Variants in HK1 observed in about 807,000 individuals in gnomAD.
HK1 encodes hexokinase 1.
HK1 carries 28 observed loss-of-function variants against 91.6 expected under a neutral mutation model. That is an observed-to-expected ratio of 0.31 (90% CI 0.23 to 0.42). HK1 has a LOEUF of 0.42. HK1 is among the 10% of genes least tolerant of loss of function. HK1 has a pLI of 1.00. For missense variants in HK1, 770 were observed against 1,219.8 expected (o/e 0.63, Z 5.49); for synonymous variants, 430 against 468.1 (o/e 0.92, Z 1.05).
At chr10:69,353,414 C>A (rs1848979712) in intron 2 of HK1, among the ~76,000 whole-genome samples, 1 of 152,084 alleles carries the variant, frequency 6.6e-6, no homozygotes, top group African/African-American at 2.4e-5. Context: ...CATGGTAAAA[C>A]CCTGTCACTA....
At chr10:69,294,011 A>G (rs373564113) in intron 3 of HK1, among the ~76,000 whole-genome samples, 4,793 of 151,050 alleles carry the variant, frequency 0.032, 179 homozygotes, top group African/African-American at 0.09. Context: ...ACAGGCGCCC[A>G]CCACCACGCC....
chr10:69,345,964 A>C (rs1848531822), intron 2 of HK1, among the ~76,000 whole-genome samples: 1 of 152,152 alleles, frequency 6.6e-6, no homozygotes. Flanking sequence ...GGGTGGGTTC[A>C]GTTCATGTGC....
intron 1 of HK1, among the ~76,000 whole-genome samples, chr10:69,326,088 C>T (rs994131302): frequency 6.6e-6 from 1 of 151,202 alleles, no homozygotes; most frequent in Non-Finnish European, 1.5e-5. Context: ...CCCGCCTCGG[C>T]CTCCCAAAGT....
chr10:69,371,882 A>G (rs7917338), intron 7 of HK1, among the ~76,000 whole-genome samples: 27,042 of 152,212 alleles, frequency 0.18, 2,859 homozygotes, highest in Non-Finnish European at 0.24. Context: ...ATGGGGGTAC[A>G]GATGAGAAAG....
intron 5 of HK1, among the ~76,000 whole-genome samples, chr10:69,308,592 C>T (rs1360190221): frequency 6.6e-6 from 1 of 152,082 alleles, no homozygotes; most frequent in African/African-American, 2.4e-5. Context: ...ACGGTTAGGT[C>T]AGGGGTCGAT....
intron 5 of HK1, among the ~76,000 whole-genome samples, chr10:69,304,699 C>A (rs1296935760): frequency 6.6e-6 from 1 of 152,164 alleles, no homozygotes; most frequent in Non-Finnish European, 1.5e-5. Context: ...AGGTTAAAAG[C>A]AAGATGGAGT....
intron 2 of HK1, among the ~76,000 whole-genome samples, chr10:69,286,134 G>T (rs1008330947): frequency 1.3e-5 from 2 of 152,186 alleles, no homozygotes; most frequent in African/African-American, 2.4e-5. Context: ...AATGTGTGTG[G>T]AATTTGTCAA....
At chr10:69,338,730 TGTGA>T (rs1848140462) in intron 1 of HK1, 8 of 1,257,920 alleles carry the variant, frequency 6.4e-6, no homozygotes, top group South Asian at 3.9e-5. Flanking sequence ...TGTGTGTATG[TGTGA>T]GTGTGTGAGA....
In HK1 at chr10:69,369,348, C is replaced by T; in HGVS notation, c.691+12C>T. 2 of 1,613,388 alleles carry T rather than the reference C, an allele frequency of 1.2e-6. No individual in the cohort carries two copies. The highest frequency in any genetic ancestry group is 8.5e-7 in the Non-Finnish European group (1 of 1,179,298). On this transcript the variant is annotated intron_variant, in intron 6 of 17. Transcript: ENST00000359426. This position sits in a 1 kb window ranked among gnomAD's most constrained non-coding sequence, Gnocchi z 4.4. ...CGGCCTGATCATCGGTAATGCATTC[C>T]CCTTTGCCCATCCATTTGTTCGGCC...
intron 1 of HK1, among the ~76,000 whole-genome samples, chr10:69,275,566 T>C (rs1844397050): frequency 6.6e-6 from 1 of 152,160 alleles, no homozygotes; most frequent in Non-Finnish European, 1.5e-5. Context: ...GGCCATATGA[T>C]CTGTGCTGTT....
chr10:69,400,659 CA>C (rs1405226475), intron 17 of HK1, among the ~76,000 whole-genome samples: 1 of 152,204 alleles, frequency 6.6e-6, no homozygotes, highest in Non-Finnish European at 1.5e-5. Context: ...ATAAGCCATA[CA>C]GAGCAGTTGT....
At chr10:69,308,958 C>G (rs1458977845) in intron 5 of HK1, among the ~76,000 whole-genome samples, 2 of 152,078 alleles carry the variant, frequency 1.3e-5, no homozygotes, top group African/African-American at 2.4e-5. Flanking sequence ...GGCCACAGAC[C>G]AGTTGGGGAC....
chr10:69,395,001 C>G lies in HK1; in HGVS notation c.2271C>G (p.Ile757Met). Residue 757 changes from isoleucine (I) to methionine (M), a missense_variant, in exon 16 of 18, where the codon ATC (isoleucine) becomes ATG (methionine). By Grantham distance (10) the Ile-to-Met change is conservative. Transcript: ENST00000359426. ...GMYLGEIVRNILIDFTKKGFL... is the reference protein window; with the variant it reads ...GMYLGEIVRNMLIDFTKKGFL... ...ACCTGGGTGAAATCGTCCGCAACAT[C>G]TTAATCGACTTCACCAAGAAGGGAT... 6.2e-7 allele frequency: 1 copy of G among 1,614,074 alleles called. No homozygotes were observed. The highest frequency in any genetic ancestry group is 8.5e-7 in the Non-Finnish European group (1 of 1,179,956).
At chr10:69,397,391 G>T (rs1329104110) in intron 16 of HK1, among the ~76,000 whole-genome samples, 1 of 151,734 alleles carries the variant, frequency 6.6e-6, no homozygotes, top group African/African-American at 2.4e-5. Context: ...TAATAGCAAA[G>T]AAAGAAATCA....
At chr10:69,326,931 C>T (rs1459448555) in intron 1 of HK1, among the ~76,000 whole-genome samples, 1 of 144,404 alleles carries the variant, frequency 6.9e-6, no homozygotes, top group Non-Finnish European at 1.5e-5. Context: ...TGGTTTTGAT[C>T]TTTTGTAAAT....
At chr10:69,363,103 G>A (rs541425153) in intron 3 of HK1, among the ~76,000 whole-genome samples, 167 of 152,318 alleles carry the variant, frequency 1.1e-3, no homozygotes, top group Non-Finnish European at 1.7e-3. Flanking sequence ...AGTTCGGGCT[G>A]GGGCCACTTC....
intron 7 of HK1, among the ~76,000 whole-genome samples, chr10:69,376,732 C>T (rs1839129938): frequency 6.6e-6 from 1 of 152,176 alleles, no homozygotes; most frequent in Non-Finnish European, 1.5e-5. Flanking sequence ...CTGGATGACT[C>T]CTGCCCTCTC....
chr10:69,368,487 G>A, intron 4 of HK1, 49 bp from the exon 5 acceptor site: 1 of 1,513,560 alleles, frequency 6.6e-7, no homozygotes, highest in South Asian at 1.1e-5. Context: ...GCCTTGGGGT[G>A]CTGGAGGCCT....
intron 1 of HK1, among the ~76,000 whole-genome samples, chr10:69,342,162 A>AAAACAAACAAACAAACAAAC (rs33984080): frequency 7.1e-6 from 1 of 140,904 alleles, no homozygotes; most frequent in South Asian, 2.3e-4. Flanking sequence ...ACCAACCCCA[A>AAAACAAACAAACAAACAAAC]AAACAAACAA....
Sources: allele counts gnomAD v4.1 joint callset (sites outside exome capture counted in the v4.1 genomes callset), GRCh38; gene constraint gnomAD v4.1.1; non-coding constraint Gnocchi (gnomAD v3.1); transcripts MANE v1.5; gene names NCBI Gene and HGNC (gene_info 2026-07-23, HGNC 2026-07-21).